SLC14A2: variants seen among roughly 807,000 people sequenced by gnomAD.
SLC14A2 encodes the protein solute carrier family 14 member 2.
A neutral mutation model predicts 104.6 loss-of-function variants in SLC14A2; 91 were observed. That is an observed-to-expected ratio of 0.87 (90% CI 0.73 to 1.04). SLC14A2 has a LOEUF of 1.04. Among genes scored for constraint, SLC14A2 ranks in the 50% least tolerant of loss-of-function variants. The pLI, the probability that SLC14A2 is intolerant of heterozygous loss-of-function variation, is 0.00. For missense variants in SLC14A2, 1,189 were observed against 1,156.0 expected (o/e 1.03, Z -0.41); for synonymous variants, 476 against 466.4 (o/e 1.02, Z -0.27).
intron 1 of SLC14A2, among the ~76,000 whole-genome samples, chr18:45,619,510 T>A (rs537702185): frequency 1.3e-5 from 2 of 152,226 alleles, no homozygotes; most frequent in Non-Finnish European, 2.9e-5. Context: ...GCCAGACATT[T>A]GAGGCCTGGT....
At chr18:45,194,182 C>G in the SLC14A2 span, among the ~76,000 whole-genome samples, 1 of 152,134 alleles carries the variant, frequency 6.6e-6, no homozygotes, top group Admixed American at 6.5e-5. Flanking sequence ...TATATGAATG[C>G]CTTTATTTCC....
At chr18:45,295,109 C>A (rs2084906361) in intron 1 of SLC14A2, among the ~76,000 whole-genome samples, 1 of 152,152 alleles carries the variant, frequency 6.6e-6, no homozygotes, top group Non-Finnish European at 1.5e-5. Context: ...TCTTGCAGAG[C>A]AAAGTGGTAA....
the SLC14A2 span, among the ~76,000 whole-genome samples, chr18:45,174,561 G>A: frequency 1.3e-5 from 2 of 152,090 alleles, no homozygotes; most frequent in Admixed American, 1.3e-4. Context: ...GAGTTTGAAT[G>A]TCAGTCCTAA....
At chr18:45,620,891 A>G (rs565501346) in intron 1 of SLC14A2, among the ~76,000 whole-genome samples, 4 of 152,384 alleles carry the variant, frequency 2.6e-5, no homozygotes, top group East Asian at 1.9e-4. Context: ...ATAGTGATCA[A>G]TCTTACAGCT....
chr18:45,418,935 A>G (rs1008480742), intron 1 of SLC14A2, among the ~76,000 whole-genome samples: 2 of 152,152 alleles, frequency 1.3e-5, no homozygotes, highest in African/African-American at 4.8e-5. Flanking sequence ...CATCAGATCC[A>G]TGGCTTAGCA....
intron 1 of SLC14A2, among the ~76,000 whole-genome samples, chr18:45,289,287 G>A (rs1336655050): frequency 2.6e-5 from 4 of 152,002 alleles, no homozygotes; most frequent in East Asian, 1.9e-4. Context: ...AGCCCAAGGT[G>A]GGAGGCAGTG....
At chr18:45,318,925 C>T (rs907164450) in intron 1 of SLC14A2, among the ~76,000 whole-genome samples, 1 of 152,184 alleles carries the variant, frequency 6.6e-6, no homozygotes, top group African/African-American at 2.4e-5. Flanking sequence ...CACGCCTGAG[C>T]TCATGGGGAT....
intron 2 of SLC14A2, among the ~76,000 whole-genome samples, chr18:45,551,626 TAAGATG>T (rs1272965012): frequency 6.6e-6 from 1 of 152,128 alleles, no homozygotes; most frequent in Non-Finnish European, 1.5e-5. Context: ...AGGGAGGCTG[TAAGATG>T]AAGGCATGGG....
chr18:45,450,587 ATTG>A (rs900321405), intron 1 of SLC14A2, among the ~76,000 whole-genome samples: 1 of 152,192 alleles, frequency 6.6e-6, no homozygotes, highest in Non-Finnish European at 1.5e-5. Context: ...CTTGACCATC[ATTG>A]TTGTTCCATT....
At chr18:45,292,470 G>A (rs536894310) in intron 1 of SLC14A2, among the ~76,000 whole-genome samples, 3 of 152,156 alleles carry the variant, frequency 2.0e-5, no homozygotes, top group Admixed American at 6.5e-5. Flanking sequence ...GTAACACTCC[G>A]GGAATATTTC....
At chr18:45,413,111 C>T (rs543465026) in intron 1 of SLC14A2, among the ~76,000 whole-genome samples, 7 of 152,124 alleles carry the variant, frequency 4.6e-5, no homozygotes, top group African/African-American at 1.4e-4. Flanking sequence ...AGGGTCCATC[C>T]GAAAGAAGCT....
intron 1 of SLC14A2, among the ~76,000 whole-genome samples, chr18:45,442,176 T>G (rs571367475): frequency 3.9e-5 from 6 of 152,332 alleles, no homozygotes; most frequent in African/African-American, 1.2e-4. Context: ...CTTGGGCAAG[T>G]TATTTAACTG....
At chr18:45,375,766 T>C (rs1207594635) in intron 1 of SLC14A2, among the ~76,000 whole-genome samples, 1 of 152,196 alleles carries the variant, frequency 6.6e-6, no homozygotes, top group Non-Finnish European at 1.5e-5. Flanking sequence ...ACAGGCTCTG[T>C]GAGCAATCCA....
chr18:45,627,926 C>G (rs1188005398), intron 4 of SLC14A2, among the ~76,000 whole-genome samples: 1 of 148,686 alleles, frequency 6.7e-6, no homozygotes, highest in African/African-American at 2.5e-5. Context: ...TCTCTTAAAC[C>G]TGGGAGGTGG....
chr18:45,364,488 A>G (rs553902035), intron 1 of SLC14A2, among the ~76,000 whole-genome samples: 12 of 152,352 alleles, frequency 7.9e-5, no homozygotes, highest in African/African-American at 2.9e-4. Flanking sequence ...TAGACAAATT[A>G]TAAGAATTAA....
intron 2 of SLC14A2, among the ~76,000 whole-genome samples, chr18:45,555,663 T>C (rs1454046152): frequency 6.6e-6 from 1 of 152,200 alleles, no homozygotes; most frequent in East Asian, 1.9e-4. Context: ...TTTTTTTTAT[T>C]ATGAATCAAA....
chr18:45,587,121 C>T (rs1171489013), intron 2 of SLC14A2, among the ~76,000 whole-genome samples: 3 of 152,160 alleles, frequency 2.0e-5, no homozygotes, highest in African/African-American at 7.2e-5. Flanking sequence ...ATTACAGGCA[C>T]ATACCACCAC....
chr18:45,521,379 A>G (rs1433333947), intron 2 of SLC14A2, among the ~76,000 whole-genome samples: 1 of 152,206 alleles, frequency 6.6e-6, no homozygotes, highest in Non-Finnish European at 1.5e-5. Context: ...GAAAGAGTGC[A>G]CAGGGTTAGG....
intron 1 of SLC14A2, among the ~76,000 whole-genome samples, chr18:45,411,005 C>T (rs1189347508): frequency 6.6e-6 from 1 of 152,216 alleles, no homozygotes; most frequent in Non-Finnish European, 1.5e-5. Context: ...ACTTTAACTA[C>T]ACTCTTATAC....
Sources: allele counts gnomAD v4.1 joint callset (sites outside exome capture counted in the v4.1 genomes callset), GRCh38; gene constraint gnomAD v4.1.1; transcripts MANE v1.5; gene names NCBI Gene and HGNC (gene_info 2026-07-23, HGNC 2026-07-21).